Variants in TNFSF4 observed in about 807,000 individuals in gnomAD.
TNFSF4 encodes the protein TNF superfamily member 4.
A neutral mutation model predicts 7.3 loss-of-function variants in TNFSF4; 4 were observed. The observed-to-expected ratio is 0.55, with a 90% CI of 0.27 to 1.25. TNFSF4 has a LOEUF of 1.25. Among genes scored for constraint, TNFSF4 ranks in the 50% most tolerant of loss-of-function variants. The pLI, the probability that TNFSF4 is intolerant of heterozygous loss-of-function variation, is 0.12. For synonymous variants in TNFSF4, 76 were observed against 83.7 expected (o/e 0.91, Z 0.50); for missense variants, 181 against 208.8 (o/e 0.87, Z 0.82).
At chr1:173,444,135 A>G in the TNFSF4 span, among the ~76,000 whole-genome samples, 1 of 152,024 alleles carries the variant, frequency 6.6e-6, no homozygotes, top group African/African-American at 2.4e-5. Context: ...AAATACCAAA[A>G]TCGAAACCAT....
At chr1:173,331,510 G>T in the TNFSF4 span, among the ~76,000 whole-genome samples, 2 of 152,058 alleles carry the variant, frequency 1.3e-5, no homozygotes, top group South Asian at 4.1e-4. Flanking sequence ...CCTTTCAAAA[G>T]GACTAAATGA....
chr1:173,212,996 G>A, the TNFSF4 span, among the ~76,000 whole-genome samples: 18 of 152,250 alleles, frequency 1.2e-4, no homozygotes, highest in Middle Eastern at 6.8e-3. Context: ...GAATTTGCCT[G>A]CAATAGAGCT....
the TNFSF4 span, among the ~76,000 whole-genome samples, chr1:173,364,742 T>C: frequency 6.6e-6 from 1 of 152,018 alleles, no homozygotes; most frequent in Admixed American, 6.6e-5. Flanking sequence ...ACAACAAATA[T>C]AGGGAAATGG....
the TNFSF4 span, among the ~76,000 whole-genome samples, chr1:173,416,005 G>A: frequency 1.3e-5 from 2 of 152,232 alleles, no homozygotes; most frequent in South Asian, 2.1e-4. Flanking sequence ...GCAGCAAACC[G>A]ATGGGGCAGG....
the TNFSF4 span, among the ~76,000 whole-genome samples, chr1:173,177,640 A>G: frequency 2.0e-5 from 3 of 152,158 alleles, no homozygotes; most frequent in African/African-American, 7.2e-5. Context: ...TTTGTTAGCA[A>G]TTGCAGTTTT....
At chr1:173,314,220 T>C in the TNFSF4 span, among the ~76,000 whole-genome samples, 1 of 152,156 alleles carries the variant, frequency 6.6e-6, no homozygotes, top group African/African-American at 2.4e-5. Flanking sequence ...ATCCCAGTGA[T>C]TATTCTATTT....
At chr1:173,387,563 T>C in the TNFSF4 span, among the ~76,000 whole-genome samples, 7 of 152,330 alleles carry the variant, frequency 4.6e-5, no homozygotes, top group East Asian at 1.3e-3. Flanking sequence ...AACATGCTTA[T>C]GTTTTTGAAA....
the TNFSF4 span, among the ~76,000 whole-genome samples, chr1:173,352,712 C>G: frequency 6.6e-6 from 1 of 152,176 alleles, no homozygotes; most frequent in Admixed American, 6.5e-5. Context: ...TGATAAACCT[C>G]TTAACAGGGT....
chr1:173,426,724 C>G, the TNFSF4 span, among the ~76,000 whole-genome samples: 1 of 152,168 alleles, frequency 6.6e-6, no homozygotes, highest in Non-Finnish European at 1.5e-5. Flanking sequence ...CCCCGAGTAG[C>G]TGGGACTACA....
chr1:173,215,526 T>C, the TNFSF4 span, among the ~76,000 whole-genome samples: 7 of 152,210 alleles, frequency 4.6e-5, no homozygotes, highest in Admixed American at 6.5e-5. Context: ...GTCTTTCCTA[T>C]TTTGGAGCTA....
chr1:173,239,802 A>T, the TNFSF4 span, among the ~76,000 whole-genome samples: 1 of 152,180 alleles, frequency 6.6e-6, no homozygotes, highest in African/African-American at 2.4e-5. Flanking sequence ...AGGCTGAAGT[A>T]GGCGAATCAC....
chr1:173,404,821 G>A, the TNFSF4 span, among the ~76,000 whole-genome samples: 1 of 151,936 alleles, frequency 6.6e-6, no homozygotes, highest in Non-Finnish European at 1.5e-5. Flanking sequence ...TAGTAGAAAT[G>A]GGGTTTCACC....
upstream of TNFSF4, among the ~76,000 whole-genome samples, chr1:173,209,282 A>G (rs772938977): frequency 1.3e-5 from 2 of 152,206 alleles, no homozygotes; most frequent in African/African-American, 2.4e-5. Context: ...AGTTTCAGGC[A>G]CAGATTTCTG....
the TNFSF4 span, among the ~76,000 whole-genome samples, chr1:173,225,864 A>G: frequency 2.0e-4 from 31 of 152,244 alleles, no homozygotes; most frequent in Admixed American, 2.0e-3. Context: ...GAGACTGTGG[A>G]TGGAGAATCA....
At chr1:173,408,626 C>T in the TNFSF4 span, among the ~76,000 whole-genome samples, 1 of 151,224 alleles carries the variant, frequency 6.6e-6, no homozygotes, top group African/African-American at 2.4e-5. Context: ...CAGGGTCTCA[C>T]TCCTGTCACT....
At chr1:173,219,367 TG>T in the TNFSF4 span, among the ~76,000 whole-genome samples, 1 of 152,236 alleles carries the variant, frequency 6.6e-6, no homozygotes, top group Non-Finnish European at 1.5e-5. Context: ...TGGTTTTCCC[TG>T]GAAATTAGTG....
chr1:173,377,049 C>G, the TNFSF4 span, among the ~76,000 whole-genome samples: 1 of 152,186 alleles, frequency 6.6e-6, no homozygotes, highest in African/African-American at 2.4e-5. Flanking sequence ...ATCTGAACAT[C>G]TGAAGGAACA....
At chr1:173,276,769 C>T in the TNFSF4 span, among the ~76,000 whole-genome samples, 5 of 152,140 alleles carry the variant, frequency 3.3e-5, no homozygotes, top group East Asian at 9.6e-4. Flanking sequence ...GGGCTAATCG[C>T]AGGTAGGATG....
the TNFSF4 span, among the ~76,000 whole-genome samples, chr1:173,365,222 G>A: frequency 6.6e-6 from 1 of 151,954 alleles, no homozygotes; most frequent in Non-Finnish European, 1.5e-5. Flanking sequence ...TTTTATTAAC[G>A]TTGCTATTTT....
Sources: allele counts gnomAD v4.1 joint callset (sites outside exome capture counted in the v4.1 genomes callset), GRCh38; gene constraint gnomAD v4.1.1; transcripts MANE v1.5; gene names NCBI Gene and HGNC (gene_info 2026-07-23, HGNC 2026-07-21).